SIPA1L1: variants seen among roughly 807,000 people sequenced by gnomAD.
SIPA1L1 encodes signal-induced proliferation-associated 1-like protein 1.
SIPA1L1 carries 26 observed loss-of-function variants against 162.7 expected under a neutral mutation model. The observed-to-expected ratio is 0.16, with a 90% CI of 0.12 to 0.22. The LOEUF is 0.22. Ranked by LOEUF, SIPA1L1 falls within the 10% of genes least tolerant of loss-of-function variation. SIPA1L1 has a pLI of 1.00. For synonymous variants in SIPA1L1, 829 were observed against 837.4 expected, an observed-to-expected ratio of 0.99 and a Z score of 0.17; for missense variants, 1,874 against 2,241.0, an observed-to-expected ratio of 0.84 and a Z score of 3.31.
At chr14:71,597,537 G>C (rs2036186423) in intron 5 of SIPA1L1, among the ~76,000 whole-genome samples, 1 of 152,172 alleles carries the variant, frequency 6.6e-6, no homozygotes, top group South Asian at 2.1e-4. Context: ...CTCCCCAGCT[G>C]ATCTCTTCTT....
chr14:71,455,884 C>G (rs2046149944), intron 2 of SIPA1L1, among the ~76,000 whole-genome samples: 2 of 152,076 alleles, frequency 1.3e-5, no homozygotes, highest in African/African-American at 4.8e-5. Flanking sequence ...AGGATGTATT[C>G]TTACTTATAT....
chr14:71,735,654 G>C (rs1457527607), intron 22 of SIPA1L1: 2 of 349,146 alleles, frequency 5.7e-6, no homozygotes, highest in African/African-American at 2.1e-5. Flanking sequence ...CTCAGGGCCA[G>C]TTGGGGCAGG....
Position 71,730,366 on chromosome 14 carries a change from G to T in SIPA1L1, c.4861+65G>T, listed in dbSNP as rs995894732. On this transcript the variant is annotated intron_variant, in intron 20 of 23. Transcript: ENST00000381232. ...ATGATGGTCAGTGTCCCCAGACGTGGCTGCCACTCATGTGCTCAGAGAGGG... is the reference window on the plus strand; with the variant it reads ...ATGATGGTCAGTGTCCCCAGACGTGTCTGCCACTCATGTGCTCAGAGAGGG... 1.9e-6 allele frequency: 3 copies of T among 1,577,638 alleles called. No homozygotes were observed. In the Admixed American group the frequency reaches 5.1e-5, roughly 27 times the overall value.
chr14:71,384,875 ATGGACT>A (rs2040196572), intron 2 of SIPA1L1, among the ~76,000 whole-genome samples: 1 of 152,126 alleles, frequency 6.6e-6, no homozygotes, highest in Non-Finnish European at 1.5e-5. Flanking sequence ...CATTGCTGTA[ATGGACT>A]TGTGTTGTTT....
intron 8 of SIPA1L1, among the ~76,000 whole-genome samples, chr14:71,655,042 A>G (rs1056762002): frequency 2.1e-4 from 32 of 152,246 alleles, no homozygotes; most frequent in African/African-American, 5.8e-4. Context: ...TAGTGAATCT[A>G]TTAGCCAAAT....
In SIPA1L1 at chr14:71,395,795, A is replaced by G. The variant is rs188628116; in HGVS notation, c.-465+74614A>G. Among the ~76,000 whole-genome samples, 600 of 152,340 alleles carry G rather than the reference A, an allele frequency of 3.9e-3. 17 individuals are homozygous for G. The highest frequency in any genetic ancestry group is 0.035 in the Admixed American group (540 of 15,308). On this transcript the variant is annotated intron_variant, in intron 2 of 23. Transcript: ENST00000381232. ...CTTGGCCCAGTATATGGAGGGATTT[A>G]TATTTATTAAGTATGAAAACTATGC...
chr14:71,671,021 A>G (rs1475619963), intron 10 of SIPA1L1, 98 bp from the exon 11 acceptor site: 9 of 930,028 alleles, frequency 9.7e-6, no homozygotes, highest in African/African-American at 3.3e-5. Flanking sequence ...GCTATTTTGT[A>G]TCTGAGGTAC....
At chr14:71,372,033 T>C (rs1350479747) in intron 2 of SIPA1L1, among the ~76,000 whole-genome samples, 2 of 152,208 alleles carry the variant, frequency 1.3e-5, no homozygotes, top group Non-Finnish European at 2.9e-5. Context: ...CTGAACCCTT[T>C]ATTTTATTAA....
chr14:71,504,939 A>T (rs566403662), intron 2 of SIPA1L1, among the ~76,000 whole-genome samples: 6 of 152,284 alleles, frequency 3.9e-5, no homozygotes, highest in African/African-American at 1.4e-4. Flanking sequence ...ATGAAGGATC[A>T]CTTTTGTAGA....
chr14:71,644,832 A>G (rs980386204), intron 7 of SIPA1L1, among the ~76,000 whole-genome samples: 2 of 152,306 alleles, frequency 1.3e-5, no homozygotes, highest in East Asian at 1.9e-4. Context: ...TCAAGACAAT[A>G]TCTCCCAAAT....
chr14:71,547,542 C>T lies in SIPA1L1; in HGVS notation c.-303+18172C>T, dbSNP rs1221316831. Reference sequence around the variant, plus strand: ...CTCCGTACCTCAGGTGATCCGTGCGCGTTGGCCTCCCAAAGTGCTGGGATT... The same window carrying T: ...CTCCGTACCTCAGGTGATCCGTGCGTGTTGGCCTCCCAAAGTGCTGGGATT... On this transcript the variant is annotated intron_variant, in intron 4 of 23. Coordinates refer to ENST00000381232, the MANE Select transcript of SIPA1L1 (RefSeq NM_001386936.1). 2.6e-5 allele frequency among the ~76,000 whole-genome samples: 4 copies of T among 152,148 alleles called. No homozygotes were observed. In the South Asian group the frequency reaches 8.3e-4, roughly 32 times the overall value.
At chr14:71,475,628 T>A (rs1482500814) in intron 2 of SIPA1L1, among the ~76,000 whole-genome samples, 2 of 152,160 alleles carry the variant, frequency 1.3e-5, no homozygotes, top group African/African-American at 4.8e-5. Flanking sequence ...AAGAAAAAAA[T>A]TATCCGTAGC....
chr14:71,376,443 TC>T (rs2039377703), intron 2 of SIPA1L1, among the ~76,000 whole-genome samples: 1 of 152,032 alleles, frequency 6.6e-6, no homozygotes. Flanking sequence ...TATTTAAAAA[TC>T]AGGAGGTTCC....
intron 2 of SIPA1L1, among the ~76,000 whole-genome samples, chr14:71,337,816 C>T (rs545178235): frequency 2.0e-5 from 3 of 152,212 alleles, no homozygotes; most frequent in South Asian, 4.2e-4. Context: ...CATGGTGATG[C>T]ATGCCTGTAG....
intron 12 of SIPA1L1, among the ~76,000 whole-genome samples, chr14:71,678,907 A>G (rs935173463): frequency 6.6e-6 from 1 of 152,036 alleles, no homozygotes; most frequent in African/African-American, 2.4e-5. Context: ...AAAAAAATGA[A>G]CAAAGCCTCC....
At chr14:71,603,348 GTTA>G (rs2037024234) in intron 5 of SIPA1L1, among the ~76,000 whole-genome samples, 1 of 151,740 alleles carries the variant, frequency 6.6e-6, no homozygotes, top group Admixed American at 6.6e-5. Context: ...TACATTCAAG[GTTA>G]TTATTTATAG....
At chr14:71,449,002 T>A (rs921923032) in intron 2 of SIPA1L1, 1 of 152,220 alleles carries the variant, frequency 6.6e-6, no homozygotes, top group Non-Finnish European at 1.5e-5. Flanking sequence ...TTAATAGAGC[T>A]GTTTACTCTC....
At chr14:71,723,571 C>A in intron 17 of SIPA1L1, 76 bp from the exon 18 acceptor site, 1 of 1,555,004 alleles carries the variant, frequency 6.4e-7, no homozygotes, top group South Asian at 1.1e-5. Context: ...CAGCCATCAC[C>A]CGTACCCCGG....
In SIPA1L1 at chr14:71,618,865, G is replaced by A. The variant is rs1401169832; in HGVS notation, c.1607G>A (p.Arg536Gln). Reference sequence around the variant, plus strand: ...GAAAATGGATCTCCGTACAACTACCGAATAATTTTTAGAACTAGTGAGGTA... The same window carrying A: ...GAAAATGGATCTCCGTACAACTACCAAATAATTTTTAGAACTAGTGAGGTA... Reference protein sequence around the residue: ...MKENGSPYNYRIIFRTSELMT... With the variant: ...MKENGSPYNYQIIFRTSELMT... The change falls in exon 6 of 24, where the codon CGA (arginine) becomes CAA (glutamine). Residue 536 changes from arginine (R) to glutamine (Q), a missense_variant. Arg to Gln is a conservative substitution (Grantham distance 43). Coordinates refer to ENST00000381232, the MANE Select transcript of SIPA1L1 (RefSeq NM_001386936.1). 1.9e-6 allele frequency: 3 copies of A among 1,613,530 alleles called. No homozygotes were observed. Among genetic ancestry groups the A allele is most frequent in the Non-Finnish European group, 1.7e-6 (2 of 1,179,728 alleles).
Sources: allele counts gnomAD v4.1 joint callset (sites outside exome capture counted in the v4.1 genomes callset), GRCh38; gene constraint gnomAD v4.1.1; transcripts MANE v1.5; gene names NCBI Gene and HGNC (gene_info 2026-07-23, HGNC 2026-07-21).